PCDH15: variants seen among roughly 807,000 people sequenced by gnomAD.
The protein encoded by PCDH15 is protocadherin-15.
Under a neutral mutation model 178.5 loss-of-function variants are expected in PCDH15, and 129 were observed. The ratio of observed to expected loss-of-function variants is 0.72; its 90% CI spans 0.63 to 0.84. PCDH15 has a LOEUF of 0.84. Ranked by LOEUF, PCDH15 falls within the 40% of genes least tolerant of loss-of-function variation. The probability of loss-of-function intolerance (pLI) is 0.00; values close to 1 mark genes in which losing one functional copy is unlikely to be tolerated. For missense variants in PCDH15, 2,230 were observed against 2,099.9 expected (o/e 1.06, Z -1.21); for synonymous variants, 800 against 732.0 (o/e 1.09, Z -1.50).
intron 25 of PCDH15, among the ~76,000 whole-genome samples, chr10:53,906,462 C>T (rs568339135): frequency 1.3e-5 from 2 of 152,166 alleles, no homozygotes; most frequent in African/African-American, 2.4e-5. Flanking sequence ...TCTATCAGTA[C>T]TATAATGCCT....
chr10:54,745,215 T>C (rs1389571910), intron 1 of PCDH15, among the ~76,000 whole-genome samples: 2 of 152,198 alleles, frequency 1.3e-5, no homozygotes, highest in Admixed American at 1.3e-4. Context: ...CAAAGCTAAG[T>C]TGATTACTCT....
intron 2 of PCDH15, among the ~76,000 whole-genome samples, chr10:55,058,905 T>C (rs1841367569): frequency 6.6e-6 from 1 of 152,194 alleles, no homozygotes; most frequent in Admixed American, 6.6e-5. Context: ...AAATGTTTGA[T>C]TCCCAGAGTA....
At position 55,431,508 on chromosome 10, in the gene PCDH15, T is replaced by G. The variant is rs141581092; in HGVS notation, c.-156+196117A>C. ...CTAGTAATTAGGACTTACAAAAACTTAAAAACTTTAGCTAATTGGATATAT... is the reference window on the plus strand; with the variant it reads ...CTAGTAATTAGGACTTACAAAAACTGAAAAACTTTAGCTAATTGGATATAT... On this transcript the variant is annotated intron_variant, in intron 2 of 5. Coordinates refer to the PCDH15 transcript ENST00000613346. Among the ~76,000 whole-genome samples the G allele has an allele frequency of 2.2e-3, 334 of 152,264 alleles. 1 individual carries two copies. The highest frequency in any genetic ancestry group is 7.6e-3 in the African/African-American group (317 of 41,562).
chr10:54,333,477 C>T (rs1203368826), intron 6 of PCDH15, among the ~76,000 whole-genome samples: 1 of 150,900 alleles, frequency 6.6e-6, no homozygotes, highest in African/African-American at 2.4e-5. Flanking sequence ...TCTTCTTTTT[C>T]CTCTAGTAAA....
chr10:55,582,624 ATATATTT>A (rs1346704077), intron 2 of PCDH15, among the ~76,000 whole-genome samples: 1 of 62,268 alleles, frequency 1.6e-5, no homozygotes, highest in Admixed American at 2.0e-4. Flanking sequence ...ATATATATAT[ATATATTT>A]TTTTTTTTTT....
At chr10:54,717,319 A>T (rs1461210331) in intron 1 of PCDH15, among the ~76,000 whole-genome samples, 1 of 118,500 alleles carries the variant, frequency 8.4e-6, no homozygotes, top group Non-Finnish European at 1.8e-5. Flanking sequence ...CAGAGTGAAC[A>T]GGCAACCTAC....
chr10:55,513,047 G>C (rs1840923867), intron 2 of PCDH15: 1 of 152,102 alleles, frequency 6.6e-6, no homozygotes, highest in African/African-American at 2.4e-5. Context: ...GTGATTAATT[G>C]ATTGACTGAA....
intron 2 of PCDH15, among the ~76,000 whole-genome samples, chr10:55,071,813 C>G (rs1252652745): frequency 6.6e-6 from 1 of 152,086 alleles, no homozygotes; most frequent in African/African-American, 2.4e-5. Context: ...AGCACCACAC[C>G]ACACCTATTC....
At chr10:54,580,741 C>T (rs2090960113) in intron 2 of PCDH15, among the ~76,000 whole-genome samples, 1 of 151,928 alleles carries the variant, frequency 6.6e-6, no homozygotes. Context: ...CATCAAATAG[C>T]TATACCATGA....
At chr10:54,151,875 C>T (rs2044572583) in intron 14 of PCDH15, among the ~76,000 whole-genome samples, 1 of 152,066 alleles carries the variant, frequency 6.6e-6, no homozygotes, top group African/African-American at 2.4e-5. Flanking sequence ...GGGAAAACAG[C>T]ATTGAGGTAA....
chr10:54,517,028 C>T (rs908503209), intron 3 of PCDH15, among the ~76,000 whole-genome samples: 5 of 152,028 alleles, frequency 3.3e-5, no homozygotes, highest in Non-Finnish European at 2.9e-5. Flanking sequence ...TTTGTCACCA[C>T]CAGGCCTGCC....
intron 1 of PCDH15, among the ~76,000 whole-genome samples, chr10:54,679,027 A>C (rs1174470136): frequency 6.6e-6 from 1 of 151,588 alleles, no homozygotes; most frequent in African/African-American, 2.4e-5. Flanking sequence ...CGTTTCTACT[A>C]AAAATACAAA....
At chr10:54,722,766 C>A (rs1251111452) in intron 1 of PCDH15, among the ~76,000 whole-genome samples, 4 of 151,442 alleles carry the variant, frequency 2.6e-5, no homozygotes, top group South Asian at 2.1e-4. Flanking sequence ...AGCTGAGAAC[C>A]AAATCAAGAA....
chr10:54,132,908 G>T lies in PCDH15; in HGVS notation c.1884C>A (p.Ala628=). ...QLMYSLEISE[A]MRVGAVLLNL... ...TTAATAAAACAGCACCAACCCTCAT[G>T]GCTTCACTAATTTCAAGGCTATACA... The change falls in exon 15 of 38, where the codon GCC becomes GCA. Residue 628 remains alanine, a synonymous_variant. Transcript: ENST00000644397. 1.2e-6 allele frequency: 2 copies of T among 1,613,780 alleles called. No individual in the cohort carries two copies. The highest frequency in any genetic ancestry group is 1.7e-6 in the Non-Finnish European group (2 of 1,179,932).
intron 3 of PCDH15, among the ~76,000 whole-genome samples, chr10:54,427,988 C>T (rs1956501081): frequency 1.3e-5 from 2 of 152,042 alleles, no homozygotes; most frequent in South Asian, 4.1e-4. Flanking sequence ...ACAAAAACAA[C>T]AAAATTAAAA....
chr10:55,104,335 T>C (rs1477480540), intron 2 of PCDH15, among the ~76,000 whole-genome samples: 1 of 152,186 alleles, frequency 6.6e-6, no homozygotes, highest in Non-Finnish European at 1.5e-5. Flanking sequence ...CTCCTCCTGT[T>C]ATCTTGACAT....
intron 2 of PCDH15, among the ~76,000 whole-genome samples, chr10:54,583,977 T>C (rs1463299189): frequency 6.6e-6 from 1 of 152,152 alleles, no homozygotes; most frequent in Non-Finnish European, 1.5e-5. Context: ...AAATATACCA[T>C]GTTTTCTTTT....
At chr10:54,708,281 C>T (rs997472453) in intron 1 of PCDH15, among the ~76,000 whole-genome samples, 7 of 152,088 alleles carry the variant, frequency 4.6e-5, no homozygotes, top group East Asian at 3.9e-4. Context: ...GGCAACATTG[C>T]GGATGGTGAA....
At chr10:55,011,406 A>T (rs1036625827) in intron 2 of PCDH15, among the ~76,000 whole-genome samples, 1 of 152,124 alleles carries the variant, frequency 6.6e-6, no homozygotes, top group African/African-American at 2.4e-5. Flanking sequence ...AATGTCAAAT[A>T]TACTTAGACG....
Sources: allele counts gnomAD v4.1 joint callset (sites outside exome capture counted in the v4.1 genomes callset), GRCh38; gene constraint gnomAD v4.1.1; transcripts MANE v1.5; gene names NCBI Gene and HGNC (gene_info 2026-07-23, HGNC 2026-07-21).